MINDY4B: variants seen among roughly 807,000 people sequenced by gnomAD.
MINDY4B encodes the protein MINDY family member 4B.
A neutral mutation model predicts 16.7 loss-of-function variants in MINDY4B; 25 were observed. The ratio of observed to expected loss-of-function variants is 1.49; its 90% CI spans 1.09 to 2.09. The LOEUF is 2.09. MINDY4B is among the 30% of genes most tolerant of loss of function. The pLI, the probability that MINDY4B is intolerant of heterozygous loss-of-function variation, is 0.00. For synonymous variants in MINDY4B, 132 were observed against 61.9 expected, an observed-to-expected ratio of 2.13 and a Z score of -5.32; for missense variants, 327 against 168.4, an observed-to-expected ratio of 1.94 and a Z score of -5.21.
chr3:150,894,228 A>G lies in MINDY4B; in HGVS notation c.387T>C (p.His129=), dbSNP rs1711900030. ...YNWKKAYFRF[H]DPSSELAFTL... is the part of the protein sequence containing the mutation. Reference sequence around the variant, plus strand: ...TGAAAGCTAGTTCAGAAGAAGGATCATGGAACCTGAAATAGGCCTTTTTCC... The same window carrying G: ...TGAAAGCTAGTTCAGAAGAAGGATCGTGGAACCTGAAATAGGCCTTTTTCC... Residue 129 remains histidine, a synonymous_variant, in exon 4 of 12, where the codon CAT becomes CAC. Coordinates refer to ENST00000465419, the MANE Select transcript of MINDY4B (RefSeq NM_001351281.2). 1 of 702,060 alleles carries G rather than the reference A, an allele frequency of 1.4e-6. No homozygotes were observed. The highest frequency in any genetic ancestry group is 2.7e-5 in the East Asian group (1 of 37,280). The allele number at this position is 702,060 out of a possible 1,614,324, so 43.5% of individuals were successfully genotyped here.
intron 5 of MINDY4B, among the ~76,000 whole-genome samples, chr3:150,891,856 C>T (rs1302696199): frequency 1.3e-5 from 2 of 151,126 alleles, no homozygotes; most frequent in African/African-American, 4.9e-5. Context: ...TGAGAAAACA[C>T]GGGAAATAGA....
intron 5 of MINDY4B, among the ~76,000 whole-genome samples, chr3:150,891,675 T>C (rs1406532102): frequency 6.8e-6 from 1 of 146,850 alleles, no homozygotes; most frequent in African/African-American, 2.5e-5. Context: ...GGCAGGAGAA[T>C]GGTTTGAACC....
At chr3:150,903,068 C>T (rs1712154484) in intron 3 of MINDY4B, among the ~76,000 whole-genome samples, 181 bp downstream of exon 3, 1 of 152,204 alleles carries the variant, frequency 6.6e-6, no homozygotes, top group South Asian at 2.1e-4. Flanking sequence ...TGTACTGCCA[C>T]AAGTGTCCTT....
rs1460697539 is a variant in MINDY4B, at chr3:150,891,292, A to C, written c.522-189T>G. ...CATTGAATACACTCAGGGTCTGTCT[A>C]GCCTTCCCAAGAAGTGGGAGCCAGT... On this transcript the variant is annotated intron_variant, in intron 5 of 11. Coordinates refer to ENST00000465419, the MANE Select transcript of MINDY4B (RefSeq NM_001351281.2). 11 of 573,670 alleles carry C rather than the reference A, an allele frequency of 1.9e-5. No homozygotes were observed. The East Asian group carries it at 3.1e-4, about 16-fold the overall frequency. 35.5% of individuals were successfully genotyped at this position (573,670 alleles called of 1,614,324 possible).
At chr3:150,893,210 T>C (rs898848250) in intron 5 of MINDY4B, 114 bp downstream of exon 5, 5 of 666,108 alleles carry the variant, frequency 7.5e-6, no homozygotes, top group Non-Finnish European at 1.4e-5. Context: ...GCCATTTCTG[T>C]CTTAGGAGGT....
Position 150,890,924 on chromosome 3 carries a change from A to T in MINDY4B, c.687+14T>A, listed in dbSNP as rs760690354. The T allele has an allele frequency of 2.9e-6, 2 of 701,130 alleles. No homozygotes were observed. Among genetic ancestry groups the T allele is most frequent in the South Asian group, 3.0e-5 (2 of 67,530 alleles). 43.4% of individuals were successfully genotyped at this position (701,130 alleles called of 1,614,324 possible). ...TGGCCTTTCATCTGCCAGGACAGGG[A>T]GAACTGCACTTACTCGCTCAGTGAA... On this transcript the variant is annotated intron_variant, in intron 6 of 11. Coordinates refer to ENST00000465419, the MANE Select transcript of MINDY4B (RefSeq NM_001351281.2).
chr3:150,886,692 C>T (rs1711630700), intron 7 of MINDY4B, among the ~76,000 whole-genome samples: 1 of 152,172 alleles, frequency 6.6e-6, no homozygotes, highest in Non-Finnish European at 1.5e-5. Context: ...AGAAGTCACC[C>T]TCATTCCTTG....
At chr3:150,884,817 C>G (rs1711582159) in intron 8 of MINDY4B, among the ~76,000 whole-genome samples, 1 of 152,078 alleles carries the variant, frequency 6.6e-6, no homozygotes, top group Non-Finnish European at 1.5e-5. Flanking sequence ...CAGCAGAGGC[C>G]CCTTCCTCCT....
At chr3:150,895,401 C>A (rs1370045742) in intron 3 of MINDY4B, among the ~76,000 whole-genome samples, 1 of 152,176 alleles carries the variant, frequency 6.6e-6, no homozygotes, top group Non-Finnish European at 1.5e-5. Context: ...GCTGAGAAAT[C>A]TGCTGTTAAT....
chr3:150,893,949 C>T (rs552277489), intron 4 of MINDY4B, among the ~76,000 whole-genome samples: 1 of 152,308 alleles, frequency 6.6e-6, no homozygotes, highest in South Asian at 2.1e-4. Context: ...CCTCAGCCTC[C>T]CAAACAGCTG....
chr3:150,876,618 T>TG (rs1711497395), intron 10 of MINDY4B, among the ~76,000 whole-genome samples: 1 of 152,192 alleles, frequency 6.6e-6, no homozygotes, highest in African/African-American at 2.4e-5. Context: ...CAGGGTGCAG[T>TG]GGGTACTGCT....
intron 6 of MINDY4B, 139 bp downstream of exon 6, chr3:150,890,799 G>A: frequency 1.7e-6 from 1 of 597,188 alleles, no homozygotes; most frequent in Non-Finnish European, 3.0e-6. Context: ...TACAGCCCTT[G>A]GTACCTGCCT....
chr3:150,903,528 A>G (rs1712166119), intron 2 of MINDY4B, 112 bp from the exon 3 acceptor site: 1 of 396,422 alleles, frequency 2.5e-6, no homozygotes, highest in Non-Finnish European at 4.4e-6. Context: ...ATGTTGTCTC[A>G]CTTTTAAAGA....
Position 150,885,411 on chromosome 3 carries a change from T to G in MINDY4B, c.781A>C (p.Ile261Leu), listed in dbSNP as rs1312521050. 1 of 702,762 alleles carries G rather than the reference T, an allele frequency of 1.4e-6. No individual in the cohort carries two copies. Among genetic ancestry groups the G allele is most frequent in the Non-Finnish European group, 2.6e-6 (1 of 384,834 alleles). The allele number at this position is 702,762 out of a possible 1,614,324, so 43.5% of individuals were successfully genotyped here. Residue 261 changes from isoleucine (I) to leucine (L), a missense_variant, in exon 8 of 12, where the codon ATC becomes CTC. By Grantham distance (5) the Ile-to-Leu change is conservative. Coordinates refer to ENST00000465419, the MANE Select transcript of MINDY4B (RefSeq NM_001351281.2). ...CFRGEGSHGV[I>L]LFLYSLIFSR... ...AAGATCAGGCTGTACAGAAACAGGA[T>G]GACACCATGGCTTCCTTCCCCTCTG...
chr3:150,883,922 G>C (rs1711566055), intron 8 of MINDY4B, 150 bp from the exon 9 acceptor site: 1 of 608,862 alleles, frequency 1.6e-6, no homozygotes, highest in Non-Finnish European at 2.9e-6. Flanking sequence ...CACAGGGAAA[G>C]CCTCTAGATC....
chr3:150,902,329 A>G (rs1712136107), intron 3 of MINDY4B, among the ~76,000 whole-genome samples: 1 of 152,200 alleles, frequency 6.6e-6, no homozygotes, highest in South Asian at 2.1e-4. Flanking sequence ...CCCTGAGTAG[A>G]GGTCCCTGCC....
chr3:150,893,220 T>C, intron 5 of MINDY4B, 104 bp downstream of exon 5: 1 of 674,876 alleles, frequency 1.5e-6, no homozygotes, highest in Non-Finnish European at 2.7e-6. Context: ...TCTTAGGAGG[T>C]AGATTTCCTT....
rs1347979437 is a variant in MINDY4B, at chr3:150,894,305, T to G, written c.310A>C (p.Lys104Gln). Reference sequence around the variant, plus strand: ...TTTCCAAACAGGATCTGCCGCAGCTTCTGAAAAGAGGGGAAAGAAATGATT... The same window carrying G: ...TTTCCAAACAGGATCTGCCGCAGCTGCTGAAAAGAGGGGAAAGAAATGATT... ...GFPISLAMAT[K>Q]LRQILFGNTV... The change falls in exon 4 of 12, where the codon AAG becomes CAG. Residue 104 changes from lysine (K) to glutamine (Q), a missense_variant and splice_region_variant. By Grantham distance (53) the Lys-to-Gln change is moderately conservative. Transcript: ENST00000465419. The G allele has an allele frequency of 2.9e-6, 2 of 688,656 alleles. No individual in the cohort carries two copies. Among genetic ancestry groups the G allele is most frequent in the African/African-American group, 3.6e-5 (2 of 56,270 alleles). The allele number at this position is 688,656 out of a possible 1,614,324, so 42.7% of individuals were successfully genotyped here. A position where few individuals can be genotyped will look rare whatever the true frequency, so the allele number is the denominator to read the frequency against.
chr3:150,890,851 G>C, intron 6 of MINDY4B, 87 bp downstream of exon 6: 1 of 657,836 alleles, frequency 1.5e-6, no homozygotes, highest in Non-Finnish European at 2.8e-6. Context: ...CATGGATGGG[G>C]CCCCACCTGC....
Sources: allele counts gnomAD v4.1 joint callset (sites outside exome capture counted in the v4.1 genomes callset), GRCh38; gene constraint gnomAD v4.1.1; transcripts MANE v1.5; gene names NCBI Gene and HGNC (gene_info 2026-07-23, HGNC 2026-07-21).